Variants in GRID2 observed in about 807,000 individuals in gnomAD.
GRID2 encodes the protein glutamate receptor ionotropic, delta-2.
GRID2 carries 33 observed loss-of-function variants against 114.8 expected under a neutral mutation model. That is an observed-to-expected ratio of 0.29 (90% CI 0.22 to 0.38). The LOEUF (loss-of-function observed/expected upper bound fraction) is 0.38, where lower values mean the gene tolerates loss of function less well. Ranked by LOEUF, GRID2 falls within the 10% of genes least tolerant of loss-of-function variation. The probability of loss-of-function intolerance (pLI) is 1.00; values close to 1 mark genes in which losing one functional copy is unlikely to be tolerated. For missense variants in GRID2, 1,184 were observed against 1,257.7 expected (o/e 0.94, Z 0.89); for synonymous variants, 505 against 449.9 (o/e 1.12, Z -1.55).
chr4:93,795,764 C>A (rs912465455), intron 1 of GRID2, among the ~76,000 whole-genome samples: 13 of 152,128 alleles, frequency 8.5e-5, no homozygotes, highest in African/African-American at 2.4e-5. Flanking sequence ...TGCTACAGGT[C>A]TTAAATGCAA....
chr4:93,555,845 C>T (rs1022463879), intron 13 of GRID2, among the ~76,000 whole-genome samples: 3 of 152,110 alleles, frequency 2.0e-5, no homozygotes, highest in Admixed American at 6.5e-5. Flanking sequence ...ACAGACACCT[C>T]GTATAGGAGC....
At chr4:93,336,996 T>C (rs1466427220) in intron 8 of GRID2, among the ~76,000 whole-genome samples, 1 of 152,164 alleles carries the variant, frequency 6.6e-6, no homozygotes, top group African/African-American at 2.4e-5. Context: ...AATCTTTACT[T>C]ATCCCTTGTG....
At chr4:93,748,063 A>G (rs1732001416) in intron 14 of GRID2, among the ~76,000 whole-genome samples, 1 of 152,132 alleles carries the variant, frequency 6.6e-6, no homozygotes, top group South Asian at 2.1e-4. Flanking sequence ...AACATTTAGA[A>G]AATTAATAAG....
At chr4:93,671,550 C>T (rs1724414433) in intron 14 of GRID2, among the ~76,000 whole-genome samples, 1 of 152,118 alleles carries the variant, frequency 6.6e-6, no homozygotes, top group Non-Finnish European at 1.5e-5. Flanking sequence ...AACTCAGTTT[C>T]CCCGTCTATG....
chr4:93,362,741 T>C (rs1560540107), intron 8 of GRID2, among the ~76,000 whole-genome samples: 3 of 152,026 alleles, frequency 2.0e-5, no homozygotes, highest in Admixed American at 2.0e-4. Flanking sequence ...CCAGTCTTCG[T>C]TGTAAACACA....
At chr4:93,256,427 G>GA (rs1749593768) in intron 8 of GRID2, among the ~76,000 whole-genome samples, 1 of 16,490 alleles carries the variant, frequency 6.1e-5, no homozygotes. Flanking sequence ...TTTAATTTTT[G>GA]GTTTTTTTTT....
chr4:92,743,668 A>C (rs1737006698), intron 2 of GRID2, among the ~76,000 whole-genome samples: 1 of 152,220 alleles, frequency 6.6e-6, no homozygotes, highest in Non-Finnish European at 1.5e-5. Context: ...AATGGACTGG[A>C]ATAAATCAGT....
chr4:93,057,993 TTTAC>T (rs775139934), intron 2 of GRID2, among the ~76,000 whole-genome samples: 2 of 151,082 alleles, frequency 1.3e-5, no homozygotes, highest in Non-Finnish European at 2.9e-5. Flanking sequence ...AAATTCAGAC[TTTAC>T]TGACTTTTTT....
intron 2 of GRID2, among the ~76,000 whole-genome samples, chr4:92,968,161 A>G (rs1156753259): frequency 2.0e-5 from 3 of 151,938 alleles, no homozygotes; most frequent in Non-Finnish European, 4.4e-5. Context: ...ACCTATGTTC[A>G]TGAGGCTCAG....
intron 13 of GRID2, among the ~76,000 whole-genome samples, chr4:93,549,183 A>G (rs1463811806): frequency 2.0e-5 from 3 of 152,206 alleles, no homozygotes; most frequent in African/African-American, 7.2e-5. Context: ...TCACCAAAAC[A>G]TGTCAAACCA....
chr4:92,385,898 G>A (rs199843565), intron 1 of GRID2, among the ~76,000 whole-genome samples: 7 of 90,986 alleles, frequency 7.7e-5, no homozygotes, highest in Non-Finnish European at 1.2e-4. Flanking sequence ...GTGTGTGTGT[G>A]TGTATATATA....
intron 14 of GRID2, among the ~76,000 whole-genome samples, chr4:93,694,288 A>G (rs532771118): frequency 2.0e-5 from 3 of 151,578 alleles, no homozygotes; most frequent in African/African-American, 7.3e-5. Flanking sequence ...TACCCAACCA[A>G]CCTCCTCACT....
At chr4:92,636,004 C>A (rs940913092) in intron 2 of GRID2, among the ~76,000 whole-genome samples, 1 of 151,868 alleles carries the variant, frequency 6.6e-6, no homozygotes, top group African/African-American at 2.4e-5. Flanking sequence ...AAAATTGGTG[C>A]CTGATAAATC....
chr4:93,623,254 C>A lies in GRID2; in HGVS notation c.2194-3015C>A, dbSNP rs530497480. On this transcript the variant is annotated intron_variant, in intron 13 of 15. Transcript: ENST00000282020. ...CACATGCCATGGTGGTTTGCTGCAC[C>A]AATCAACCTGTCACCTACATTAGGT... 3.9e-5 allele frequency among the ~76,000 whole-genome samples: 6 copies of A among 152,106 alleles called. No individual in the cohort carries two copies. In the East Asian group the frequency reaches 1.2e-3, roughly 29 times the overall value.
intron 2 of GRID2, among the ~76,000 whole-genome samples, chr4:92,921,693 A>T (rs970118214): frequency 1.3e-5 from 2 of 152,046 alleles, no homozygotes; most frequent in African/African-American, 4.8e-5. Flanking sequence ...TTGCTGCCTG[A>T]TTGTTCCTCT....
intron 12 of GRID2, among the ~76,000 whole-genome samples, chr4:93,498,517 A>G (rs982797120): frequency 2.8e-4 from 42 of 151,908 alleles, no homozygotes; most frequent in Non-Finnish European, 1.3e-4. Flanking sequence ...ATTCATTACT[A>G]GGATATAGAA....
At chr4:92,601,973 A>G (rs1382174557) in intron 2 of GRID2, among the ~76,000 whole-genome samples, 2 of 151,738 alleles carry the variant, frequency 1.3e-5, no homozygotes, top group African/African-American at 4.8e-5. Context: ...AAGAAGTTGA[A>G]TTCTTGAACA....
intron 13 of GRID2, among the ~76,000 whole-genome samples, chr4:93,551,943 A>G (rs1001598383): frequency 6.6e-6 from 1 of 152,086 alleles, no homozygotes; most frequent in Admixed American, 6.6e-5. Context: ...GGTTTGTTAC[A>G]TATGTATGCA....
At chr4:92,743,547 A>G (rs1578132987) in intron 2 of GRID2, among the ~76,000 whole-genome samples, 2 of 152,080 alleles carry the variant, frequency 1.3e-5, no homozygotes, top group African/African-American at 4.8e-5. Flanking sequence ...ATTTTTATTT[A>G]TATTTATTTT....
Sources: gnomAD v4.1 joint callset for allele counts (sites outside exome capture counted in the v4.1 genomes callset) on GRCh38, gnomAD v4.1.1 for gene constraint, MANE v1.5 for transcripts, NCBI Gene and HGNC (gene_info 2026-07-23, HGNC 2026-07-21) for gene names.